The following MMP15 variants were observed in gnomAD, a reference collection of about 807,000 sequenced individuals.
MMP15 encodes matrix metalloproteinase-15.
Under a neutral mutation model 65.0 loss-of-function variants are expected in MMP15, and 36 were observed. The observed-to-expected ratio is 0.55, with a 90% confidence interval of 0.42 to 0.73. MMP15 has a LOEUF of 0.73. Ranked by LOEUF, MMP15 falls within the 30% of genes least tolerant of loss-of-function variation. The probability of loss-of-function intolerance (pLI) is 0.00; values close to 1 mark genes in which losing one functional copy is unlikely to be tolerated. For synonymous variants in MMP15, 428 were observed against 410.2 expected, an observed-to-expected ratio of 1.04 and a Z score of -0.52; for missense variants, 870 against 987.8, an observed-to-expected ratio of 0.88 and a Z score of 1.60.
intron 7 of MMP15, 24 bp downstream of exon 7, chr16:58,042,393 G>A: frequency 6.2e-7 from 1 of 1,611,724 alleles, no homozygotes; most frequent in South Asian, 1.1e-5. Flanking sequence ...GGGTTAGAGG[G>A]TTGGGCACGC....
chr16:58,029,030 G>A (rs1376273320), intron 1 of MMP15, among the ~76,000 whole-genome samples: 1 of 152,122 alleles, frequency 6.6e-6, no homozygotes, highest in Non-Finnish European at 1.5e-5. Flanking sequence ...CTCCTCCCAG[G>A]CACAATTCAG....
chr16:58,043,702 C>G, intron 9 of MMP15, 75 bp downstream of exon 9: 7 of 1,082,316 alleles, frequency 6.5e-6, no homozygotes, highest in Non-Finnish European at 9.3e-6. Flanking sequence ...CAGGGCTTGC[C>G]CAAGGTCACC....
chr16:58,042,197 C>T (rs755262382), intron 6 of MMP15, 34 bp from the exon 7 acceptor site: 4 of 1,596,954 alleles, frequency 2.5e-6, no homozygotes, highest in Non-Finnish European at 3.4e-6. Flanking sequence ...AGGCAGCTTG[C>T]CTGCGCTGCC....
Position 58,042,348 on chromosome 16 carries a change from G to T in MMP15, c.1282G>T (p.Gly428Cys). 1.2e-6 allele frequency: 2 copies of T among 1,614,156 alleles called. No homozygotes were observed. Among genetic ancestry groups the T allele is most frequent in the Non-Finnish European group, 1.7e-6 (2 of 1,180,018 alleles). The change falls in exon 7 of 10, where the codon GGT (glycine) becomes TGT (cysteine). Residue 428 changes from glycine to cysteine, a missense_variant. Physicochemically the swap from Gly to Cys is radical, Grantham distance 159. Coordinates refer to ENST00000219271, the MANE Select transcript of MMP15 (RefSeq NM_002428.4). ...CAGTGCTGCCTACGAGCGCCAAGAC[G>T]GTCGTTTTGTCTTTTTCAAAGGTGA... ...DISAAYERQD[G>C]RFVFFKGDRY...
intron 1 of MMP15, among the ~76,000 whole-genome samples, chr16:58,030,127 G>A (rs1311797450): frequency 6.6e-6 from 1 of 152,344 alleles, no homozygotes; most frequent in East Asian, 1.9e-4. Context: ...GGACACTCCA[G>A]CAGGAGCAAT....
At chr16:58,033,890 G>A (rs570382232) in intron 1 of MMP15, among the ~76,000 whole-genome samples, 2 of 152,326 alleles carry the variant, frequency 1.3e-5, no homozygotes, top group Admixed American at 6.5e-5. Flanking sequence ...GTGACAGAGC[G>A]AGACTCCGTC....
At chr16:58,039,073 C>T (rs924320614) in intron 3 of MMP15, among the ~76,000 whole-genome samples, 4 of 152,224 alleles carry the variant, frequency 2.6e-5, no homozygotes, top group African/African-American at 9.6e-5. Context: ...AACTTACTTC[C>T]TCTAATCCTC....
In MMP15 at chr16:58,043,142, C is replaced by G. The variant is rs1014480735; in HGVS notation, c.1304-68C>G. On this transcript the variant is annotated intron_variant, in intron 7 of 9. Transcript: ENST00000219271. Reference sequence around the variant, plus strand: ...GTGTGATTTTGTGGGCCCAGAAGAGCATTCTTTTCCCGCACACACCCCTCA... The same window carrying G: ...GTGTGATTTTGTGGGCCCAGAAGAGGATTCTTTTCCCGCACACACCCCTCA... 5 of 1,420,240 alleles carry G rather than the reference C, an allele frequency of 3.5e-6. No individual in the cohort carries two copies. In the East Asian group the frequency reaches 9.9e-5, roughly 28 times the overall value. The allele number at this position is 1,420,240 out of a possible 1,614,324, so 88.0% of individuals were successfully genotyped here. A position where few individuals can be genotyped will look rare whatever the true frequency, so the allele number is the denominator to read the frequency against.
intron 1 of MMP15, 99 bp downstream of exon 1, chr16:58,026,611 G>A: frequency 8.1e-7 from 1 of 1,229,606 alleles, no homozygotes; most frequent in Non-Finnish European, 1.0e-6. Flanking sequence ...GAGCGGAGAC[G>A]CGCCCCCTGT....
chr16:58,037,089 G>A (rs1456435166), intron 1 of MMP15, among the ~76,000 whole-genome samples: 4 of 152,246 alleles, frequency 2.6e-5, no homozygotes, highest in Non-Finnish European at 5.9e-5. Flanking sequence ...GAGTGCATCA[G>A]GCAGCAGAGG....
chr16:58,045,663 G>T lies in MMP15; in HGVS notation c.*217G>T, dbSNP rs1372201642. 6 of 562,470 alleles carry T rather than the reference G, an allele frequency of 1.1e-5. No homozygotes were observed. The highest frequency in any genetic ancestry group is 1.9e-5 in the Non-Finnish European group (6 of 322,910). 34.8% of individuals were successfully genotyped at this position (562,470 alleles called of 1,614,324 possible). On this transcript the variant is annotated 3_prime_UTR_variant, in exon 10 of 10. Coordinates refer to ENST00000219271, the MANE Select transcript of MMP15 (RefSeq NM_002428.4). ...TTCCCCGACTGGGGCAGGGTGTTTA[G>T]AATTTTCTAAATGTAGTTCTGCTCC...
chr16:58,040,434 G>A, intron 4 of MMP15, 103 bp from the exon 5 acceptor site: 2 of 1,405,700 alleles, frequency 1.4e-6, no homozygotes, highest in South Asian at 1.3e-5. Flanking sequence ...CAAGAGGGAA[G>A]CAAGGGCAGG....
In MMP15 at chr16:58,045,272, C is replaced by T. The variant is rs566152873; in HGVS notation, c.1836C>T (p.Arg612=). The T allele has an allele frequency of 5.0e-6, 8 of 1,610,184 alleles. No individual in the cohort carries two copies. The highest frequency in any genetic ancestry group is 3.4e-5 in the Admixed American group (2 of 59,690). The change falls in exon 10 of 10, where the codon CGC becomes CGT. Residue 612 remains arginine (R), a synonymous_variant. Transcript: ENST00000219271. ...GAGVNKDGGS[R]VVVQMEEVAR... ...GGGTCAACAAGGACGGGGGCAGCCG[C>T]GTGGTGGTGCAGATGGAGGAGGTGG... is the stretch of plus-strand genomic sequence containing the variant.
chr16:58,035,900 C>T (rs2142326660), intron 1 of MMP15, among the ~76,000 whole-genome samples: 1 of 152,378 alleles, frequency 6.6e-6, no homozygotes, highest in East Asian at 1.9e-4. Flanking sequence ...GCCTGCCCAG[C>T]CACACCAGGG....
At chr16:58,044,309 T>C (rs1177594954) in intron 9 of MMP15, among the ~76,000 whole-genome samples, 1 of 152,174 alleles carries the variant, frequency 6.6e-6, no homozygotes, top group Non-Finnish European at 1.5e-5. Flanking sequence ...CAGCCAGGTG[T>C]GGTGACTTGC....
chr16:58,029,493 C>T (rs1162429781), intron 1 of MMP15, among the ~76,000 whole-genome samples: 2 of 152,218 alleles, frequency 1.3e-5, no homozygotes, highest in East Asian at 3.9e-4. Context: ...GTAAATCACT[C>T]CTCTCCATGC....
At chr16:58,037,186 G>A (rs1198199132) in intron 1 of MMP15, among the ~76,000 whole-genome samples, 3 of 152,234 alleles carry the variant, frequency 2.0e-5, no homozygotes, top group African/African-American at 7.2e-5. Context: ...GACAGTGAGG[G>A]CCTTGTGGCT....
At position 58,045,271 on chromosome 16, in the gene MMP15, G is replaced by A. The variant is rs145529143; in HGVS notation, c.1835G>A (p.Arg612His). 1.7e-5 allele frequency: 27 copies of A among 1,610,004 alleles called. No individual in the cohort carries two copies. The highest frequency in any genetic ancestry group is 3.4e-5 in the Admixed American group (2 of 59,674). ...GAGVNKDGGS[R>H]VVVQMEEVAR... ...GGGGTCAACAAGGACGGGGGCAGCC[G>A]CGTGGTGGTGCAGATGGAGGAGGTG... The change falls in exon 10 of 10, where the codon CGC becomes CAC. Residue 612 changes from arginine to histidine, a missense_variant. Coordinates refer to ENST00000219271, the MANE Select transcript of MMP15 (RefSeq NM_002428.4).
rs1174666591 is a variant in MMP15 at position 58,041,828 on chromosome 16, T to G, written c.1122T>G (p.Phe374Leu). ...QYGPNICDGD[F>L]DTVAMLRGEM... ...GCCCCAACATCTGCGACGGGGACTT[T>G]GACACAGTGGCCATGCTTCGCGGGG... Residue 374 changes from phenylalanine (F) to leucine (L), a missense_variant, in exon 6 of 10, where the codon TTT becomes TTG. Transcript: ENST00000219271. 6.2e-7 allele frequency: 1 copy of G among 1,610,700 alleles called. No homozygotes were observed. The highest frequency in any genetic ancestry group is 8.5e-7 in the Non-Finnish European group (1 of 1,178,562).
Sources: gnomAD v4.1 joint callset for allele counts (sites outside exome capture counted in the v4.1 genomes callset) on GRCh38, gnomAD v4.1.1 for gene constraint, MANE v1.5 for transcripts, NCBI Gene and HGNC (gene_info 2026-07-23, HGNC 2026-07-21) for gene names.